Variants in PUS1 observed in about 807,000 individuals in gnomAD.
PUS1 encodes the protein pseudouridine synthase 1.
In PUS1, 25 loss-of-function variants were observed where a neutral mutation model predicts 38.5. That is an observed-to-expected ratio of 0.65 (90% confidence interval 0.47 to 0.91). The LOEUF (loss-of-function observed/expected upper bound fraction) is 0.91, where lower values mean the gene tolerates loss of function less well. PUS1 is among the 40% of genes least tolerant of loss of function. The pLI is 0.00. For missense variants in PUS1, 597 were observed against 612.3 expected, an observed-to-expected ratio of 0.97 and a Z score of 0.26; for synonymous variants, 282 against 260.4, an observed-to-expected ratio of 1.08 and a Z score of -0.80.
At position 131,929,710 on chromosome 12, in the gene PUS1, T is replaced by C; in HGVS notation, c.-13T>C. On this transcript the variant is annotated 5_prime_UTR_variant, in exon 1 of 6. Coordinates refer to ENST00000376649, the MANE Select transcript of PUS1 (RefSeq NM_025215.6). ...GGGATCAGGGCGGGGTCGGGTGCAC[T>C]GGTAGCCTGCGCATGGGCCTCCAGC... 6.3e-7 allele frequency: 1 copy of C among 1,581,896 alleles called. No homozygotes were observed. Among genetic ancestry groups the C allele is most frequent in the Non-Finnish European group, 8.5e-7 (1 of 1,171,594 alleles).
intron 5 of PUS1, among the ~76,000 whole-genome samples, chr12:131,942,490 T>C (rs1226991704): frequency 6.6e-6 from 1 of 152,062 alleles, no homozygotes; most frequent in East Asian, 1.9e-4. Flanking sequence ...CACTGCAAGC[T>C]CCGCCTCCCG....
chr12:131,935,134 A>G (rs1028285082), intron 3 of PUS1, among the ~76,000 whole-genome samples: 1 of 149,688 alleles, frequency 6.7e-6, no homozygotes, highest in Admixed American at 6.7e-5. Context: ...GAACACAAAG[A>G]GGGATCCACA....
intron 4 of PUS1, among the ~76,000 whole-genome samples, chr12:131,940,628 A>C (rs527438283): frequency 4.6e-5 from 7 of 152,220 alleles, no homozygotes; most frequent in Admixed American, 2.0e-4. Context: ...CCCAGGCTGG[A>C]GTGCAGTGGC....
rs967995394 is a variant in PUS1, at chr12:131,941,239, T to C, written c.545-53T>C. ...ACGCCGTGCTCAGGCTGCTCCCTGG[T>C]CATCCAGGCACTTCTCACCTGCCTT... On this transcript the variant is annotated intron_variant, in intron 4 of 5. Transcript: ENST00000376649. The surrounding 1 kb of genome is among the most constrained non-coding windows in gnomAD (Gnocchi z 4.4). 80 of 1,503,022 alleles carry C rather than the reference T, an allele frequency of 5.3e-5. No individual in the cohort carries two copies. Among genetic ancestry groups the C allele is most frequent in the Middle Eastern group, 3.4e-4 (2 of 5,928 alleles). The allele number at this position is 1,503,022 out of a possible 1,614,324, so 93.1% of individuals were successfully genotyped here. A position where few individuals can be genotyped will look rare whatever the true frequency, so the allele number is the denominator to read the frequency against.
chr12:131,942,821 A>G (rs1891149189), intron 5 of PUS1, among the ~76,000 whole-genome samples: 2 of 152,220 alleles, frequency 1.3e-5, no homozygotes, highest in Non-Finnish European at 2.9e-5. Flanking sequence ...TCCTTCCTGC[A>G]TACCTGGGTG....
Position 131,944,272 on chromosome 12 carries a change from G to A in PUS1, c.*686G>A, listed in dbSNP as rs1399609955. ...CTCATGCCTGTAATCCCAACACTTC[G>A]GGAGGCTGAGGCAGGTGGATTACTT... On this transcript the variant is annotated 3_prime_UTR_variant, in exon 6 of 6. Transcript: ENST00000376649. 2.6e-5 allele frequency: 4 copies of A among 152,322 alleles called. No homozygotes were observed. Among genetic ancestry groups the A allele is most frequent in the African/African-American group, 4.8e-5 (2 of 41,290 alleles). 9.4% of individuals were successfully genotyped at this position (152,322 alleles called of 1,614,324 possible). A position where few individuals can be genotyped will look rare whatever the true frequency, so the allele number is the denominator to read the frequency against.
At position 131,945,291 on chromosome 12, in the gene PUS1, G is replaced by C. The variant is rs1472670416; in HGVS notation, c.*1705G>C. 5 of 152,346 alleles carry C rather than the reference G, an allele frequency of 3.3e-5. No individual in the cohort carries two copies. Among genetic ancestry groups the C allele is most frequent in the Admixed American group, 1.3e-4 (2 of 15,282 alleles). 9.4% of individuals were successfully genotyped at this position (152,346 alleles called of 1,614,324 possible). ...GCCCAAGAGAGTGGAGCTGGTTTTA[G>C]GGATTTTGGCCAGAGGAGCAGTGGG... On this transcript the variant is annotated 3_prime_UTR_variant, in exon 6 of 6. Transcript: ENST00000376649.
intron 3 of PUS1, among the ~76,000 whole-genome samples, chr12:131,933,107 C>G (rs1283154107): frequency 6.6e-6 from 1 of 151,906 alleles, no homozygotes; most frequent in Non-Finnish European, 1.5e-5. Flanking sequence ...TCCCTAGACA[C>G]TTGGGGATTA....
chr12:131,932,223 T>C lies in PUS1; in HGVS notation c.352T>C (p.Ser118Pro), dbSNP rs372191433. ...CAAAACAATTGAAGATGACTTGGTG[T>C]CCGCCCTCGTCCGGTCAGGCTGTAT... Reference protein sequence around the residue: ...QFKTIEDDLVSALVRSGCIPE... With the variant: ...QFKTIEDDLVPALVRSGCIPE... Residue 118 changes from serine to proline, a missense_variant, in exon 3 of 6, where the codon TCC (serine) becomes CCC (proline). Transcript: ENST00000376649. 1.9e-5 allele frequency: 31 copies of C among 1,613,968 alleles called. No individual in the cohort carries two copies. Among genetic ancestry groups the C allele is most frequent in the Non-Finnish European group, 2.3e-5 (27 of 1,179,954 alleles).
rs555675455 is a variant in PUS1 at position 131,941,026 on chromosome 12, T to C, written c.545-266T>C. 169 of 530,590 alleles carry C rather than the reference T, an allele frequency of 3.2e-4. No individual in the cohort carries two copies. The highest frequency in any genetic ancestry group is 4.8e-4 in the Non-Finnish European group (142 of 293,924). 32.9% of individuals were successfully genotyped at this position (530,590 alleles called of 1,614,324 possible). A position where few individuals can be genotyped will look rare whatever the true frequency, so the allele number is the denominator to read the frequency against. ...ATTTCTTTGTGTTGGAGACATTCCG[T>C]ATCTTCTCACTATTGGAAAATTACA... is the stretch of plus-strand genomic sequence containing the variant. On this transcript the variant is annotated intron_variant, in intron 4 of 5. Coordinates refer to ENST00000376649, the MANE Select transcript of PUS1 (RefSeq NM_025215.6). This position sits in a 1 kb window ranked among gnomAD's most constrained non-coding sequence, Gnocchi z 4.4.
intron 4 of PUS1, among the ~76,000 whole-genome samples, chr12:131,940,306 C>G (rs946207146): frequency 1.3e-5 from 2 of 152,206 alleles, no homozygotes; most frequent in African/African-American, 2.4e-5. Context: ...GTTGGCATTA[C>G]AGGCATGAGC....
intron 3 of PUS1, among the ~76,000 whole-genome samples, chr12:131,937,145 ATG>A (rs1741396005): frequency 6.6e-6 from 1 of 152,190 alleles, no homozygotes; most frequent in Non-Finnish European, 1.5e-5. Flanking sequence ...GCCACGTTCC[ATG>A]TGTGGATCTG....
At position 131,929,969 on chromosome 12, in the gene PUS1, G is replaced by A. The variant is rs752709725; in HGVS notation, c.137G>A (p.Arg46Gln). ...GCCGGAGCCGCATGCCCCCAGGACC[G>A]GAGGTCCTGCAGCGGCCGGGCCGGG... ...PPAGAACPQD[R>Q]RSCSGRAGGD... Residue 46 changes from arginine (R) to glutamine (Q), a missense_variant, in exon 2 of 6, where the codon CGG (arginine) becomes CAG (glutamine). Arg to Gln is a conservative substitution (Grantham distance 43, BLOSUM62 1). Coordinates refer to ENST00000376649, the MANE Select transcript of PUS1 (RefSeq NM_025215.6). 2 of 1,516,504 alleles carry A rather than the reference G, an allele frequency of 1.3e-6. No homozygotes were observed. The highest frequency in any genetic ancestry group is 1.2e-5 in the South Asian group (1 of 80,588). 93.9% of individuals were successfully genotyped at this position (1,516,504 alleles called of 1,614,324 possible). A position where few individuals can be genotyped will look rare whatever the true frequency, so the allele number is the denominator to read the frequency against.
At chr12:131,939,540 GT>G (rs1165784395) in intron 4 of PUS1, among the ~76,000 whole-genome samples, 6 of 152,234 alleles carry the variant, frequency 3.9e-5, no homozygotes, top group Non-Finnish European at 8.8e-5. Context: ...AAAATGAACA[GT>G]TGTTCCCTCT....
At chr12:131,943,259 C>T (rs1381172518) in intron 5 of PUS1, among the ~76,000 whole-genome samples, 1 of 152,230 alleles carries the variant, frequency 6.6e-6, no homozygotes, top group Non-Finnish European at 1.5e-5. Flanking sequence ...GTTGAGTTTC[C>T]AAATGGCCCC....
At chr12:131,933,707 G>C (rs1007525271) in intron 3 of PUS1, among the ~76,000 whole-genome samples, 1 of 152,252 alleles carries the variant, frequency 6.6e-6, no homozygotes. Flanking sequence ...CCCGCCACAG[G>C]GAATGGGGAT....
In PUS1 at chr12:131,939,178, G is replaced by T; in HGVS notation, c.447G>T (p.Val149=). 25 of 1,556,906 alleles carry T rather than the reference G, an allele frequency of 1.6e-5. No homozygotes were observed. Among genetic ancestry groups the T allele is most frequent in the Non-Finnish European group, 2.0e-5 (23 of 1,149,384 alleles). Residue 149 remains valine, a synonymous_variant, in exon 4 of 6, where the codon GTG becomes GTT. Transcript: ENST00000376649. The part of the protein sequence containing the change: ...FQRCARTDKG[V]SAAGQVVSLK... ...CCGTTCTGCTTTGTTTACAGGGTGTGTCCGCAGCCGGCCAGGTGGTATCCC... is the reference window on the plus strand; with the variant it reads ...CCGTTCTGCTTTGTTTACAGGGTGTTTCCGCAGCCGGCCAGGTGGTATCCC...
rs369250859 is a variant in PUS1, at chr12:131,941,311, C to G, written c.564C>G (p.Gly188=). ...IRILGLKRVT[G]GFNSKNRCDA... ...CCCTAGGACTGAAGCGGGTCACGGG[C>G]GGGTTTAACTCCAAGAACAGATGTG... The change falls in exon 5 of 6, where the codon GGC becomes GGG. Residue 188 remains glycine (G), a synonymous_variant. Coordinates refer to ENST00000376649, the MANE Select transcript of PUS1 (RefSeq NM_025215.6). This position sits in a 1 kb window ranked among gnomAD's most constrained non-coding sequence, Gnocchi z 4.4. The G allele has an allele frequency of 1.2e-6, 2 of 1,614,138 alleles. No homozygotes were observed. Among genetic ancestry groups the G allele is most frequent in the Non-Finnish European group, 1.7e-6 (2 of 1,180,030 alleles).
At position 131,934,350 on chromosome 12, in the gene PUS1, G is replaced by A. The variant is rs148271339; in HGVS notation, c.441+2038G>A. 8.1e-3 allele frequency among the ~76,000 whole-genome samples: 1,229 copies of A among 152,274 alleles called. 11 individuals are homozygous for A. The highest frequency in any genetic ancestry group is 0.013 in the Non-Finnish European group (879 of 68,012). Reference sequence around the variant, plus strand: ...TTTGCCGGTCTGTGAAGTAACAGGTGCCTTCCCAGGCACTGGCGCTACCAG... The same window carrying A: ...TTTGCCGGTCTGTGAAGTAACAGGTACCTTCCCAGGCACTGGCGCTACCAG... On this transcript the variant is annotated intron_variant, in intron 3 of 5. Coordinates refer to ENST00000376649, the MANE Select transcript of PUS1 (RefSeq NM_025215.6).
Sources: gnomAD v4.1 joint callset for allele counts (sites outside exome capture counted in the v4.1 genomes callset) on GRCh38, gnomAD v4.1.1 for gene constraint, Gnocchi (gnomAD v3.1) non-coding constraint, MANE v1.5 for transcripts, NCBI Gene and HGNC (gene_info 2026-07-23, HGNC 2026-07-21) for gene names.